C2orf92: variants seen among roughly 807,000 people sequenced by gnomAD.
C2orf92 encodes the protein chromosome 2 open reading frame 92, also known as uncharacterized protein C2orf92.
chr2:97,678,452 A>C (rs539077978), intron 3 of C2orf92, among the ~76,000 whole-genome samples: 154 of 152,158 alleles, frequency 1.0e-3, no homozygotes, highest in African/African-American at 3.5e-3. Context: ...GAATGTGCAC[A>C]TTCAAGTTAC....
At chr2:97,688,848 C>A in intron 3 of C2orf92, 47 bp from the exon 4 acceptor site, 1 of 398,484 alleles carries the variant, frequency 2.5e-6, no homozygotes, top group Non-Finnish European at 4.4e-6. Flanking sequence ...CAAAATATAT[C>A]AATCCTGCGT....
intron 5 of C2orf92, among the ~76,000 whole-genome samples, chr2:97,693,333 A>T (rs1676200394): frequency 6.6e-6 from 1 of 152,174 alleles, no homozygotes; most frequent in Non-Finnish European, 1.5e-5. Context: ...ATTCTTTAGG[A>T]TATGTATCCA....
chr2:97,667,361 C>T (rs1675268737), upstream of C2orf92, among the ~76,000 whole-genome samples: 1 of 148,588 alleles, frequency 6.7e-6, no homozygotes, highest in African/African-American at 2.5e-5. Context: ...CTGTCGGGTT[C>T]AGGCAATTCT....
chr2:97,691,935 T>C (rs938442982), intron 5 of C2orf92, among the ~76,000 whole-genome samples: 3 of 152,178 alleles, frequency 2.0e-5, no homozygotes, highest in East Asian at 1.9e-4. Flanking sequence ...TGTGTTTTAA[T>C]GTCTTGTCGG....
At chr2:97,699,211 T>G (rs1676412010) in intron 6 of C2orf92, 75 bp downstream of exon 6, 1 of 397,346 alleles carries the variant, frequency 2.5e-6, no homozygotes, top group Non-Finnish European at 4.4e-6. Context: ...CTTTTGCCTT[T>G]CATGGTATTT....
chr2:97,687,842 G>A (rs1676013608), intron 3 of C2orf92, among the ~76,000 whole-genome samples: 1 of 150,570 alleles, frequency 6.6e-6, no homozygotes, highest in South Asian at 2.1e-4. Flanking sequence ...CAGGTGACCA[G>A]GAGGGGATGC....
chr2:97,679,202 T>TACTA (rs1174570958), intron 3 of C2orf92, among the ~76,000 whole-genome samples: 4 of 152,058 alleles, frequency 2.6e-5, no homozygotes, highest in East Asian at 3.9e-4. Context: ...TAAAGGTAAC[T>TACTA]ACTAGCTCTA....
chr2:97,687,289 G>A (rs906033882), intron 3 of C2orf92, among the ~76,000 whole-genome samples: 1 of 152,162 alleles, frequency 6.6e-6, no homozygotes, highest in Non-Finnish European at 1.5e-5. Flanking sequence ...ATTGCTTGAG[G>A]CCAAGAGTTT....
chr2:97,695,719 ATTTTTTCTTTTATT>A (rs768251047), intron 5 of C2orf92, among the ~76,000 whole-genome samples: 59 of 151,150 alleles, frequency 3.9e-4, no homozygotes, highest in Non-Finnish European at 7.4e-4. Flanking sequence ...CCAGGACAAC[ATTTTTTCTTTTATT>A]TTCTTTCTTT....
At chr2:97,667,721 C>T (rs897723745), upstream of C2orf92, among the ~76,000 whole-genome samples, 5 of 152,082 alleles carry the variant, frequency 3.3e-5, no homozygotes, top group African/African-American at 1.2e-4. Context: ...TGTGAGCCAC[C>T]GTGCCTGGCC....
At chr2:97,695,370 C>T (rs1045680078) in intron 5 of C2orf92, among the ~76,000 whole-genome samples, 17 of 152,184 alleles carry the variant, frequency 1.1e-4, no homozygotes, top group Non-Finnish European at 1.5e-4. Flanking sequence ...TTTATTCTTT[C>T]GCATATGATA....
At chr2:97,669,319 G>A (rs1029716749), upstream of C2orf92, 8 of 151,506 alleles carry the variant, frequency 5.3e-5, no homozygotes, top group African/African-American at 1.7e-4. Context: ...AGGCTGGTCT[G>A]GAACTCCTGA....
At chr2:97,699,789 C>T (rs1447363089) in intron 6 of C2orf92, among the ~76,000 whole-genome samples, 7 of 152,230 alleles carry the variant, frequency 4.6e-5, no homozygotes, top group African/African-American at 9.6e-5. Context: ...CCCCTCCACA[C>T]TGCCACTCCC....
At chr2:97,676,230 G>A (rs1215003069) in intron 3 of C2orf92, among the ~76,000 whole-genome samples, 2 of 151,850 alleles carry the variant, frequency 1.3e-5, no homozygotes, top group African/African-American at 4.8e-5. Context: ...CCAGGCCCTC[G>A]AGATGAGCCT....
intron 3 of C2orf92, among the ~76,000 whole-genome samples, chr2:97,681,553 T>C (rs567989594): frequency 1.8e-4 from 27 of 151,944 alleles, no homozygotes; most frequent in Admixed American, 5.9e-4. Context: ...AAGAGGGAGA[T>C]TTATAGATAT....
intron 3 of C2orf92, among the ~76,000 whole-genome samples, chr2:97,677,161 A>G (rs914273506): frequency 3.9e-5 from 6 of 152,208 alleles, no homozygotes; most frequent in African/African-American, 1.2e-4. Context: ...CAGTGTGGAT[A>G]GCAGTCCACA....
chr2:97,674,889 T>C (rs1406675598), intron 2 of C2orf92, among the ~76,000 whole-genome samples: 1 of 152,200 alleles, frequency 6.6e-6, no homozygotes, highest in Non-Finnish European at 1.5e-5. Flanking sequence ...ACAGGAGCTA[T>C]GAGAAGTGTA....
intron 3 of C2orf92, among the ~76,000 whole-genome samples, chr2:97,682,203 G>C (rs1675800046): frequency 6.6e-6 from 1 of 152,124 alleles, no homozygotes; most frequent in Admixed American, 6.5e-5. Flanking sequence ...TCACAAATTG[G>C]ATGACCTAGA....
chr2:97,678,259 C>T (rs1042712437), intron 3 of C2orf92, among the ~76,000 whole-genome samples: 5 of 150,640 alleles, frequency 3.3e-5, no homozygotes, highest in Non-Finnish European at 5.9e-5. Flanking sequence ...TTGAAAGTAT[C>T]CAGCCTGAGA....
Sources: gnomAD v4.1 joint callset for allele counts (sites outside exome capture counted in the v4.1 genomes callset) on GRCh38, gnomAD v4.1.1 for gene constraint, MANE v1.5 for transcripts, NCBI Gene and HGNC (gene_info 2026-07-23, HGNC 2026-07-21) for gene names.